Variants in QTMAN observed in about 807,000 individuals in gnomAD.
QTMAN encodes the protein queuosine-tRNA mannosyltransferase, also known as tRNA-queuosine alpha-mannosyltransferase.
the QTMAN span, among the ~76,000 whole-genome samples, chr2:144,105,318 G>A: frequency 6.6e-6 from 1 of 152,210 alleles, no homozygotes; most frequent in Admixed American, 6.5e-5. Context: ...AGCTAAAGGA[G>A]GAAGTTCAAA....
the QTMAN span, among the ~76,000 whole-genome samples, chr2:144,265,060 T>C: frequency 3.3e-5 from 5 of 152,226 alleles, no homozygotes; most frequent in African/African-American, 1.2e-4. Flanking sequence ...TACTTGACAG[T>C]TGTATTTCTC....
At chr2:144,251,596 C>G in the QTMAN span, among the ~76,000 whole-genome samples, 8 of 151,980 alleles carry the variant, frequency 5.3e-5, no homozygotes, top group Middle Eastern at 3.4e-3. Context: ...GATCATAAAC[C>G]TAAACATAAA....
the QTMAN span, among the ~76,000 whole-genome samples, chr2:144,020,446 ACCAAG>A: frequency 6.6e-6 from 1 of 152,252 alleles, no homozygotes; most frequent in Non-Finnish European, 1.5e-5. Context: ...CTTCCGGTAC[ACCAAG>A]GAAAGAACCC....
the QTMAN span, among the ~76,000 whole-genome samples, chr2:144,142,483 C>T: frequency 1.3e-5 from 2 of 151,968 alleles, no homozygotes; most frequent in South Asian, 4.2e-4. Flanking sequence ...GCATCTGTCA[C>T]ACTTCTCACT....
At chr2:143,963,757 T>C in the QTMAN span, 1 of 152,162 alleles carries the variant, frequency 6.6e-6, no homozygotes, top group Non-Finnish European at 1.5e-5. Context: ...TGTCAGGAGC[T>C]TATATGCCTA....
At chr2:144,287,662 C>T in the QTMAN span, among the ~76,000 whole-genome samples, 1 of 152,090 alleles carries the variant, frequency 6.6e-6, no homozygotes, top group African/African-American at 2.4e-5. Flanking sequence ...TCAGCTTTAA[C>T]CTCCCAATAA....
chr2:144,218,308 G>T, the QTMAN span, among the ~76,000 whole-genome samples: 6 of 152,278 alleles, frequency 3.9e-5, 1 homozygote, highest in South Asian at 8.3e-4. Context: ...CCTGCTGAGG[G>T]ATTTAGAAAC....
chr2:144,109,918 T>A, the QTMAN span, among the ~76,000 whole-genome samples: 51 of 152,074 alleles, frequency 3.4e-4, no homozygotes, highest in Non-Finnish European at 6.2e-4. Context: ...TGTGGAGAAA[T>A]AGGAACACTT....
chr2:144,077,683 T>A, the QTMAN span, among the ~76,000 whole-genome samples: 1 of 152,220 alleles, frequency 6.6e-6, no homozygotes, highest in Admixed American at 6.5e-5. Context: ...GTGTGTTGTG[T>A]GTGTAGGCAT....
chr2:144,247,312 GA>G, the QTMAN span, among the ~76,000 whole-genome samples: 1 of 152,214 alleles, frequency 6.6e-6, no homozygotes, highest in Non-Finnish European at 1.5e-5. Context: ...GAATTATTAA[GA>G]GGGACAAAAA....
the QTMAN span, among the ~76,000 whole-genome samples, chr2:144,083,222 G>A: frequency 2.0e-5 from 3 of 152,186 alleles, no homozygotes; most frequent in Non-Finnish European, 2.9e-5. Context: ...GTTAGAAAAG[G>A]CCACGCAGCT....
At chr2:144,143,407 C>T in the QTMAN span, among the ~76,000 whole-genome samples, 60 of 152,022 alleles carry the variant, frequency 3.9e-4, no homozygotes, top group African/African-American at 1.3e-3. Flanking sequence ...CGTAGCCAAA[C>T]GTCAGTTTAG....
the QTMAN span, among the ~76,000 whole-genome samples, chr2:144,025,633 C>T: frequency 2.0e-5 from 3 of 152,122 alleles, no homozygotes; most frequent in Non-Finnish European, 4.4e-5. Flanking sequence ...TTAGAAGTCA[C>T]CCAGATACGG....
At chr2:144,083,333 C>G in the QTMAN span, among the ~76,000 whole-genome samples, 1 of 152,144 alleles carries the variant, frequency 6.6e-6, no homozygotes, top group Admixed American at 6.5e-5. Flanking sequence ...TTTAGCCATT[C>G]CTGCTGAGGG....
At chr2:144,173,816 G>A in the QTMAN span, among the ~76,000 whole-genome samples, 1 of 152,114 alleles carries the variant, frequency 6.6e-6, no homozygotes, top group African/African-American at 2.4e-5. Flanking sequence ...CAAGCTACTC[G>A]CATGGGAGTG....
At chr2:144,310,536 A>T in the QTMAN span, among the ~76,000 whole-genome samples, 2 of 152,246 alleles carry the variant, frequency 1.3e-5, no homozygotes, top group African/African-American at 4.8e-5. Context: ...TTGTGAGAAA[A>T]AGCTGAGAGA....
chr2:144,296,213 T>G, the QTMAN span, among the ~76,000 whole-genome samples: 2 of 152,190 alleles, frequency 1.3e-5, no homozygotes, highest in East Asian at 3.8e-4. Flanking sequence ...TAGGAATAAT[T>G]TGTGTTGCTA....
the QTMAN span, among the ~76,000 whole-genome samples, chr2:144,266,867 T>C: frequency 6.6e-6 from 1 of 152,166 alleles, no homozygotes; most frequent in Admixed American, 6.5e-5. Flanking sequence ...AATACATTTG[T>C]AAGTGTTTCA....
chr2:144,135,034 T>G, the QTMAN span, among the ~76,000 whole-genome samples: 3 of 152,198 alleles, frequency 2.0e-5, no homozygotes, highest in Non-Finnish European at 4.4e-5. Context: ...TGAATATGAT[T>G]TGAAGAAGAT....
Sources: allele counts gnomAD v4.1 joint callset (sites outside exome capture counted in the v4.1 genomes callset), GRCh38; gene constraint gnomAD v4.1.1; transcripts MANE v1.5; gene names NCBI Gene and HGNC (gene_info 2026-07-23, HGNC 2026-07-21).